DNAH8: variants seen among roughly 807,000 people sequenced by gnomAD.
DNAH8 encodes the protein axonemal beta dynein heavy chain 8.
A neutral mutation model predicts 562.1 loss-of-function variants in DNAH8; 382 were observed. The ratio of observed to expected loss-of-function variants is 0.68; its 90% CI spans 0.63 to 0.74. The LOEUF (loss-of-function observed/expected upper bound fraction) is 0.74. Among genes scored for constraint, DNAH8 ranks in the 30% least tolerant of loss-of-function variants. DNAH8 has a pLI of 0.00. For synonymous variants in DNAH8, 1,881 were observed against 1,919.4 expected, an observed-to-expected ratio of 0.98 and a Z score of 0.52; for missense variants, 5,203 against 5,620.4, an observed-to-expected ratio of 0.93 and a Z score of 2.37.
chr6:38,903,323 G>A (rs921776384), intron 62 of DNAH8, among the ~76,000 whole-genome samples: 1 of 152,132 alleles, frequency 6.6e-6, no homozygotes, highest in Admixed American at 6.6e-5. Context: ...GAGGCAAAGG[G>A]GCAGCAGGTG....
chr6:38,831,897 G>T (rs140284068), intron 30 of DNAH8, among the ~76,000 whole-genome samples: 2 of 145,816 alleles, frequency 1.4e-5, no homozygotes, highest in African/African-American at 5.4e-5. Flanking sequence ...CCATTGTGTA[G>T]GGTATTTGCT....
At chr6:39,021,321 A>C (rs1485386964) in intron 91 of DNAH8, among the ~76,000 whole-genome samples, 1 of 144,810 alleles carries the variant, frequency 6.9e-6, no homozygotes, top group African/African-American at 2.5e-5. Flanking sequence ...GAATCAGAAC[A>C]TGCACTTTTA....
rs3047889 is a variant in DNAH8 at position 38,971,472 on chromosome 6, A to ATTT, written c.12452-107_12452-105dup. The ATTT allele has an allele frequency of 0.094, 44,258 of 469,502 alleles. 1,855 individuals are homozygous for ATTT. The highest frequency in any genetic ancestry group is 0.19 in the African/African-American group (9,084 of 48,016). 29.1% of individuals were successfully genotyped at this position (469,502 alleles called of 1,614,324 possible). On this transcript the variant is annotated intron_variant, in intron 82 of 92. Transcript: ENST00000327475. The stretch of plus-strand genomic sequence containing the variant: ...GGCCAGGCCTGTTTGAACAGCAAAG[A>ATTT]TTTTTTTTTTTTTTTAGAAACAATA...
intron 85 of DNAH8, 54 bp downstream of exon 85, chr6:38,974,583 G>A: frequency 6.7e-7 from 1 of 1,491,338 alleles, no homozygotes; most frequent in East Asian, 2.3e-5. Context: ...GTGTGCTGAG[G>A]CCCCATTGGA....
Position 38,795,460 on chromosome 6 carries a change from G to T in DNAH8, c.2901+3786G>T, listed in dbSNP as rs139319418. Among the ~76,000 whole-genome samples, 1,628 of 152,154 alleles carry T rather than the reference G, an allele frequency of 0.011. 83 individuals carry two copies. The East Asian group carries it at 0.15, about 14-fold the overall frequency. ...CCAGGTGTGGTGGCGGGTGCCTGTA[G>T]TCCCAGCTACTTGGGAGGCTGAGGC... is the stretch of plus-strand genomic sequence containing the variant. On this transcript the variant is annotated intron_variant, in intron 21 of 92. Transcript: ENST00000327475.
intron 31 of DNAH8, among the ~76,000 whole-genome samples, chr6:38,833,162 C>T (rs1773989359): frequency 6.6e-6 from 1 of 152,012 alleles, no homozygotes; most frequent in African/African-American, 2.4e-5. Context: ...ATATGTTCCC[C>T]TGAAATATTC....
intron 88 of DNAH8, among the ~76,000 whole-genome samples, chr6:39,000,331 A>G (rs1765406072): frequency 6.6e-6 from 1 of 152,170 alleles, no homozygotes; most frequent in Non-Finnish European, 1.5e-5. Context: ...GGGATCAAAG[A>G]AAGCTAGTGA....
intron 52 of DNAH8, among the ~76,000 whole-genome samples, chr6:38,875,171 T>C (rs1777899987): frequency 1.3e-5 from 2 of 152,236 alleles, no homozygotes; most frequent in African/African-American, 4.8e-5. Flanking sequence ...GGCCAGCCTC[T>C]AGGGCCACAG....
chr6:38,765,128 G>T (rs1380335123), intron 11 of DNAH8, among the ~76,000 whole-genome samples: 1 of 152,170 alleles, frequency 6.6e-6, no homozygotes. Context: ...AAGCCACTGC[G>T]CCTGGCCTCA....
chr6:38,928,987 T>C (rs758783649), intron 74 of DNAH8, among the ~76,000 whole-genome samples: 3 of 152,194 alleles, frequency 2.0e-5, no homozygotes, highest in Non-Finnish European at 4.4e-5. Flanking sequence ...GTCTTTTAGG[T>C]TGACTTTACG....
At chr6:38,945,368 T>A in intron 79 of DNAH8, 99 bp from the exon 80 acceptor site, 1 of 1,276,394 alleles carries the variant, frequency 7.8e-7, no homozygotes, top group Non-Finnish European at 1.1e-6. Context: ...TCCTATATTT[T>A]CAGTAATGTG....
intron 64 of DNAH8, among the ~76,000 whole-genome samples, chr6:38,908,709 T>A (rs1250804459): frequency 6.6e-6 from 1 of 152,132 alleles, no homozygotes; most frequent in East Asian, 1.9e-4. Context: ...TGTGCCACCA[T>A]GCCCAGTTAA....
chr6:38,977,981 T>C (rs537479863), intron 85 of DNAH8, among the ~76,000 whole-genome samples: 1 of 152,330 alleles, frequency 6.6e-6, no homozygotes, highest in South Asian at 2.1e-4. Flanking sequence ...GTGGCAAGAA[T>C]TGAAAATAAT....
Position 38,734,645 on chromosome 6 carries a change from C to G in DNAH8, c.762+20C>G. 1.2e-6 allele frequency: 2 copies of G among 1,606,410 alleles called. No individual in the cohort carries two copies. Among genetic ancestry groups the G allele is most frequent in the South Asian group, 1.1e-5 (1 of 90,024 alleles). ...CAAGAGGTATGTTTAAAAATTTCCC[C>G]AAATACATAGTTAAACATTGAATAT... On this transcript the variant is annotated intron_variant, in intron 5 of 92. Transcript: ENST00000327475.
intron 24 of DNAH8, among the ~76,000 whole-genome samples, chr6:38,810,591 CA>C (rs999437573): frequency 1.3e-4 from 18 of 142,442 alleles, no homozygotes; most frequent in African/African-American, 1.5e-4. Flanking sequence ...GACTCCATCT[CA>C]AAAAAAAAAG....
rs1027833581 is a variant in DNAH8, at chr6:38,799,889, C to T, written c.2902-3290C>T. Among the ~76,000 whole-genome samples the T allele has an allele frequency of 2.0e-5, 3 of 152,108 alleles. No homozygotes were observed. In the East Asian group the frequency reaches 5.8e-4, roughly 29 times the overall value. On this transcript the variant is annotated intron_variant, in intron 21 of 92. Coordinates refer to ENST00000327475, the MANE Select transcript of DNAH8 (RefSeq NM_001206927.2). Reference sequence around the variant, plus strand: ...GTTCTTTTGTGACTAGCTTCTTTCTCTTAGTGGAGTGTTTTCAAAATTTAT... The same window carrying T: ...GTTCTTTTGTGACTAGCTTCTTTCTTTTAGTGGAGTGTTTTCAAAATTTAT...
At position 38,778,375 on chromosome 6, in the gene DNAH8, T is replaced by C. The variant is rs747630777; in HGVS notation, c.1963-13T>C. The C allele has an allele frequency of 1.5e-5, 21 of 1,362,556 alleles. No individual in the cohort carries two copies. Among genetic ancestry groups the C allele is most frequent in the Non-Finnish European group, 2.0e-5 (19 of 969,318 alleles). The allele number at this position is 1,362,556 out of a possible 1,614,324, so 84.4% of individuals were successfully genotyped here. On this transcript the variant is annotated splice_polypyrimidine_tract_variant and intron_variant, in intron 13 of 92. Coordinates refer to ENST00000327475, the MANE Select transcript of DNAH8 (RefSeq NM_001206927.2). ...ACACCAAAAATCATTTAAATATTAA[T>C]ATTTTATTTTAGGTACAAATACAGG...
intron 31 of DNAH8, among the ~76,000 whole-genome samples, chr6:38,833,942 T>C (rs1210651031): frequency 6.6e-6 from 1 of 152,218 alleles, no homozygotes; most frequent in African/African-American, 2.4e-5. Context: ...GTAGCCCCTG[T>C]TATTTTAATT....
intron 82 of DNAH8, among the ~76,000 whole-genome samples, chr6:38,952,486 G>A (rs1307406193): frequency 6.6e-6 from 1 of 152,128 alleles, no homozygotes; most frequent in East Asian, 1.9e-4. Context: ...ACCTTGTAGG[G>A]TTAATCCAAT....
Sources: gnomAD v4.1 joint callset for allele counts (sites outside exome capture counted in the v4.1 genomes callset) on GRCh38, gnomAD v4.1.1 for gene constraint, MANE v1.5 for transcripts, NCBI Gene and HGNC (gene_info 2026-07-23, HGNC 2026-07-21) for gene names.